Variants in HCRTR2 observed in about 807,000 individuals in gnomAD.
HCRTR2 encodes orexin receptor type 2.
Under a neutral mutation model 49.0 loss-of-function variants are expected in HCRTR2, and 22 were observed. The ratio of observed to expected loss-of-function variants is 0.45; its 90% CI spans 0.32 to 0.64. The LOEUF (loss-of-function observed/expected upper bound fraction) is 0.64. HCRTR2 is among the 30% of genes least tolerant of loss of function. The probability of loss-of-function intolerance (pLI) is 0.04; values close to 1 mark genes in which losing one functional copy is unlikely to be tolerated. For missense variants in HCRTR2, 491 were observed against 559.4 expected (o/e 0.88, Z 1.23); for synonymous variants, 236 against 205.3 (o/e 1.15, Z -1.28).
intron 1 of HCRTR2, among the ~76,000 whole-genome samples, chr6:55,180,350 T>A (rs1470737659): frequency 6.6e-6 from 1 of 152,194 alleles, no homozygotes; most frequent in African/African-American, 2.4e-5. Context: ...TGACTGGAGA[T>A]GCATAGGCAA....
intron 1 of HCRTR2, among the ~76,000 whole-genome samples, chr6:55,208,668 G>C (rs528351485): frequency 6.6e-6 from 1 of 152,104 alleles, no homozygotes; most frequent in Non-Finnish European, 1.5e-5. Flanking sequence ...TGTGGATGAA[G>C]TTACACCTCA....
intron 3 of HCRTR2, among the ~76,000 whole-genome samples, chr6:55,259,484 C>A (rs145816865): frequency 2.3e-3 from 343 of 151,892 alleles, no homozygotes; most frequent in Non-Finnish European, 3.9e-3. Context: ...ATAAGTGTAC[C>A]ATGAAAGAGG....
chr6:55,224,763 C>G (rs1369767202), intron 1 of HCRTR2, among the ~76,000 whole-genome samples: 1 of 152,058 alleles, frequency 6.6e-6, no homozygotes, highest in South Asian at 2.1e-4. Context: ...AAGTCAGGCA[C>G]AAATACTTAA....
At chr6:55,155,510 A>G (rs1764718722) in intron 1 of HCRTR2, among the ~76,000 whole-genome samples, 1 of 152,144 alleles carries the variant, frequency 6.6e-6, no homozygotes, top group South Asian at 2.1e-4. Flanking sequence ...ACATCAGATG[A>G]TAATTTTGCT....
chr6:55,155,014 T>C (rs1764712177), intron 1 of HCRTR2, among the ~76,000 whole-genome samples: 1 of 151,578 alleles, frequency 6.6e-6, no homozygotes. Flanking sequence ...AAGAACAAAT[T>C]TAACCAAGGA....
At chr6:55,259,920 C>T (rs1213546049) in intron 3 of HCRTR2, among the ~76,000 whole-genome samples, 1 of 152,058 alleles carries the variant, frequency 6.6e-6, no homozygotes, top group Admixed American at 6.6e-5. Flanking sequence ...AGTTTTTAAT[C>T]AGCTTAGACT....
At chr6:55,227,293 C>G (rs1250324598) in intron 1 of HCRTR2, among the ~76,000 whole-genome samples, 1 of 152,032 alleles carries the variant, frequency 6.6e-6, no homozygotes, top group Non-Finnish European at 1.5e-5. Flanking sequence ...ATTACTTTTT[C>G]CATTACTCCC....
chr6:55,193,630 T>C (rs1370945686), intron 1 of HCRTR2, among the ~76,000 whole-genome samples: 1 of 151,878 alleles, frequency 6.6e-6, no homozygotes, highest in African/African-American at 2.4e-5. Context: ...CCTATGGTCC[T>C]CACCTCACCC....
At chr6:55,272,847 CTTTTTT>C (rs993989385) in intron 4 of HCRTR2, among the ~76,000 whole-genome samples, 11 of 111,294 alleles carry the variant, frequency 9.9e-5, no homozygotes, top group African/African-American at 3.4e-4. Context: ...GAGGGAAAAC[CTTTTTT>C]TTTTTTTTTT....
At chr6:55,125,978 T>C (rs533322021) in intron 1 of HCRTR2, among the ~76,000 whole-genome samples, 1 of 152,182 alleles carries the variant, frequency 6.6e-6, no homozygotes, top group Non-Finnish European at 1.5e-5. Context: ...GTCGTTTATG[T>C]TCTTCTCTAA....
At chr6:55,253,094 G>A (rs914161354) in intron 2 of HCRTR2, among the ~76,000 whole-genome samples, 1 of 151,768 alleles carries the variant, frequency 6.6e-6, no homozygotes, top group Non-Finnish European at 1.5e-5. Context: ...AGAAAACCTG[G>A]TTGCAGACTC....
chr6:55,198,837 C>T (rs537277867), intron 1 of HCRTR2, among the ~76,000 whole-genome samples: 2 of 152,318 alleles, frequency 1.3e-5, no homozygotes, highest in South Asian at 2.1e-4. Flanking sequence ...CCCATACTGC[C>T]ATCAGGATCC....
At position 55,157,971 on chromosome 6, in the gene HCRTR2, C is replaced by A. The variant is rs115994789; in HGVS notation, c.-377-16240C>A. ...TACCTAACTTCTCAATGCCCAGAAACTGATGAACATCCACAAGCTTTAAGA... is the reference window on the plus strand; with the variant it reads ...TACCTAACTTCTCAATGCCCAGAAAATGATGAACATCCACAAGCTTTAAGA... On this transcript the variant is annotated intron_variant, in intron 1 of 7. Coordinates refer to the HCRTR2 transcript ENST00000615358. 2.4e-3 allele frequency among the ~76,000 whole-genome samples: 368 copies of A among 152,336 alleles called. 2 individuals are homozygous for A. The highest frequency in any genetic ancestry group is 8.1e-3 in the African/African-American group (338 of 41,582).
intron 1 of HCRTR2, among the ~76,000 whole-genome samples, chr6:55,168,314 A>C (rs1455927706): frequency 1.3e-5 from 2 of 152,188 alleles, no homozygotes; most frequent in South Asian, 4.1e-4. Flanking sequence ...TTTTTTAAAT[A>C]TGTAAAATTT....
At chr6:55,196,500 G>A (rs748016434) in intron 1 of HCRTR2, among the ~76,000 whole-genome samples, 6 of 152,056 alleles carry the variant, frequency 3.9e-5, no homozygotes, top group South Asian at 4.1e-4. Context: ...TCTATGGCAC[G>A]AGCATACAAG....
chr6:55,270,844 C>T (rs904508900), intron 4 of HCRTR2, among the ~76,000 whole-genome samples: 9 of 152,012 alleles, frequency 5.9e-5, no homozygotes, highest in African/African-American at 1.4e-4. Flanking sequence ...GATATTCAAT[C>T]GGTACACAAC....
At chr6:55,124,912 A>G (rs1014228935) in intron 1 of HCRTR2, among the ~76,000 whole-genome samples, 2 of 147,494 alleles carry the variant, frequency 1.4e-5, no homozygotes, top group African/African-American at 2.5e-5. Context: ...GTTTTACCAG[A>G]GATTAGGATA....
At chr6:55,268,446 C>T (rs1317556792) in intron 4 of HCRTR2, among the ~76,000 whole-genome samples, 1 of 151,384 alleles carries the variant, frequency 6.6e-6, no homozygotes, top group East Asian at 1.9e-4. Flanking sequence ...TTAAAAAAAC[C>T]CATGATCCAA....
intron 4 of HCRTR2, among the ~76,000 whole-genome samples, chr6:55,276,349 A>G (rs1767076239): frequency 6.6e-6 from 1 of 152,230 alleles, no homozygotes; most frequent in Non-Finnish European, 1.5e-5. Context: ...CTCAAATTAA[A>G]GATTATCGAA....
Sources: gnomAD v4.1 joint callset for allele counts (sites outside exome capture counted in the v4.1 genomes callset) on GRCh38, gnomAD v4.1.1 for gene constraint, MANE v1.5 for transcripts, NCBI Gene and HGNC (gene_info 2026-07-23, HGNC 2026-07-21) for gene names.